The following RAP1A variants were observed in gnomAD, a reference collection of about 807,000 sequenced individuals.
The protein encoded by RAP1A is ras-related protein Rap-1A.
In RAP1A, 6 loss-of-function variants were observed where a neutral mutation model predicts 26.4. The observed-to-expected ratio is 0.23, with a 90% CI of 0.12 to 0.45. The LOEUF (loss-of-function observed/expected upper bound fraction) is 0.45, where lower values mean the gene tolerates loss of function less well. RAP1A is among the 20% of genes least tolerant of loss of function. The pLI is 0.99. For missense variants in RAP1A, 121 were observed against 217.2 expected (o/e 0.56, Z 2.78); for synonymous variants, 73 against 79.4 (o/e 0.92, Z 0.43).
chr1:111,619,991 G>C (rs1292169383), intron 1 of RAP1A, 57 bp downstream of exon 1: 6 of 396,782 alleles, frequency 1.5e-5, no homozygotes, highest in Non-Finnish European at 2.2e-5. Flanking sequence ...GGCGCGGGTC[G>C]GCCGAGCCGA....
intron 1 of RAP1A, among the ~76,000 whole-genome samples, chr1:111,635,537 T>C (rs1235568492): frequency 6.6e-6 from 1 of 152,114 alleles, no homozygotes; most frequent in Non-Finnish European, 1.5e-5. Context: ...TACCCCAAAG[T>C]TGGGATTGAT....
chr1:111,651,964 G>T (rs1660287577), intron 1 of RAP1A, among the ~76,000 whole-genome samples: 1 of 150,410 alleles, frequency 6.6e-6, no homozygotes, highest in Non-Finnish European at 1.5e-5. Flanking sequence ...AAAAAGTTTA[G>T]TTCAAGTATT....
chr1:111,558,709 A>C (rs1048869557), intron 1 of RAP1A, among the ~76,000 whole-genome samples: 4 of 152,156 alleles, frequency 2.6e-5, no homozygotes, highest in African/African-American at 9.7e-5. Context: ...GGAAGATATA[A>C]ACTTCTTAAC....
At chr1:111,688,823 T>TTTTTTTTTTTTTTTTTTTTG (rs1661579782) in intron 1 of RAP1A, among the ~76,000 whole-genome samples, 1 of 50,144 alleles carries the variant, frequency 2.0e-5, no homozygotes, top group African/African-American at 6.0e-5. Flanking sequence ...TTTTTTTTTG[T>TTTTTTTTTTTTTTTTTTTTG]TTTTTTTTTT....
intron 1 of RAP1A, among the ~76,000 whole-genome samples, chr1:111,683,301 C>T (rs1237293025): frequency 6.6e-6 from 1 of 151,810 alleles, no homozygotes; most frequent in East Asian, 1.9e-4. Flanking sequence ...TAGCAGAAGA[C>T]AAGAAATAAC....
At chr1:111,645,327 A>C (rs1235883744) in intron 1 of RAP1A, among the ~76,000 whole-genome samples, 1 of 152,200 alleles carries the variant, frequency 6.6e-6, no homozygotes, top group Non-Finnish European at 1.5e-5. Context: ...TTTAGGAAAA[A>C]AGATCATAGT....
chr1:111,652,664 A>T (rs998017235), intron 1 of RAP1A, among the ~76,000 whole-genome samples: 1 of 152,076 alleles, frequency 6.6e-6, no homozygotes, highest in Admixed American at 6.5e-5. Context: ...CCATAATGAG[A>T]TATTATTTCA....
chr1:111,704,436 A>G lies in RAP1A; in HGVS notation c.418A>G (p.Asn140Asp), dbSNP rs748114690. 6.2e-7 allele frequency: 1 copy of G among 1,613,960 alleles called. No individual in the cohort carries two copies. The highest frequency in any genetic ancestry group is 1.1e-5 in the South Asian group (1 of 91,078). Reference protein sequence around the residue: ...QGQNLARQWCNCAFLESSAKS... With the variant: ...QGQNLARQWCDCAFLESSAKS... ...CCAGAATTTAGCAAGACAGTGGTGT[A>G]ACTGTGCCTTTTTAGAATCTTCTGC... The change falls in exon 6 of 8, where the codon AAC becomes GAC. Residue 140 changes from asparagine to aspartate, a missense_variant. Coordinates refer to ENST00000369709, the MANE Select transcript of RAP1A (RefSeq NM_002884.4).
chr1:111,571,225 T>TG (rs1447250316), intron 1 of RAP1A, among the ~76,000 whole-genome samples: 1 of 152,226 alleles, frequency 6.6e-6, no homozygotes, highest in Non-Finnish European at 1.5e-5. Flanking sequence ...AAGAGATGTC[T>TG]GGGGCACAGT....
intron 4 of RAP1A, among the ~76,000 whole-genome samples, chr1:111,700,765 A>G (rs1454530924): frequency 6.6e-6 from 1 of 152,192 alleles, no homozygotes; most frequent in Non-Finnish European, 1.5e-5. Flanking sequence ...ATCTCAGTAA[A>G]TAGTACCTTT....
intron 1 of RAP1A, among the ~76,000 whole-genome samples, chr1:111,570,679 G>T (rs116528002): frequency 6.6e-6 from 1 of 152,170 alleles, no homozygotes; most frequent in Admixed American, 6.5e-5. Context: ...GAGGGTTTTT[G>T]TGCTGTCATA....
At chr1:111,554,248 C>T (rs1441069870) in intron 1 of RAP1A, among the ~76,000 whole-genome samples, 2 of 152,124 alleles carry the variant, frequency 1.3e-5, no homozygotes, top group African/African-American at 2.4e-5. Context: ...AGAAACATCC[C>T]GGAGTTTAGA....
intron 1 of RAP1A, among the ~76,000 whole-genome samples, chr1:111,683,896 G>A (rs369344313): frequency 1.1e-4 from 17 of 152,212 alleles, no homozygotes; most frequent in South Asian, 6.2e-4. Flanking sequence ...GATGACCATC[G>A]ATGCAAAAAT....
chr1:111,609,337 CATT>C (rs1423326246), intron 1 of RAP1A, among the ~76,000 whole-genome samples: 2 of 152,240 alleles, frequency 1.3e-5, no homozygotes, highest in East Asian at 1.9e-4. Flanking sequence ...CCTGACACTT[CATT>C]ATTATTATTT....
chr1:111,550,255 G>A (rs1657207396), intron 1 of RAP1A, among the ~76,000 whole-genome samples: 1 of 151,934 alleles, frequency 6.6e-6, no homozygotes, highest in Admixed American at 6.6e-5. Flanking sequence ...TGCCTATTTT[G>A]TTGACCTTTT....
chr1:111,629,596 C>T (rs1442331240), intron 1 of RAP1A, among the ~76,000 whole-genome samples: 3 of 152,202 alleles, frequency 2.0e-5, no homozygotes, highest in Admixed American at 1.3e-4. Context: ...CCAAATACTG[C>T]CTAAATTCAG....
intron 1 of RAP1A, among the ~76,000 whole-genome samples, chr1:111,683,912 A>G (rs1194893099): frequency 1.3e-5 from 2 of 152,200 alleles, no homozygotes; most frequent in African/African-American, 2.4e-5. Flanking sequence ...AAAATCCTCA[A>G]TAAAATACTG....
At chr1:111,629,225 G>GT (rs1659493373) in intron 1 of RAP1A, among the ~76,000 whole-genome samples, 2 of 152,198 alleles carry the variant, frequency 1.3e-5, no homozygotes, top group African/African-American at 4.8e-5. Context: ...TGTGTATGAT[G>GT]TTTAGAAAAA....
chr1:111,567,230 G>T (rs1657939493), intron 1 of RAP1A, among the ~76,000 whole-genome samples: 1 of 152,184 alleles, frequency 6.6e-6, no homozygotes, highest in Non-Finnish European at 1.5e-5. Flanking sequence ...TATAGTGGGT[G>T]CAGAGAGGAG....
Sources: gnomAD v4.1 joint callset for allele counts (sites outside exome capture counted in the v4.1 genomes callset) on GRCh38, gnomAD v4.1.1 for gene constraint, MANE v1.5 for transcripts, NCBI Gene and HGNC (gene_info 2026-07-23, HGNC 2026-07-21) for gene names.